ST6GALNAC3: variants seen among roughly 807,000 people sequenced by gnomAD.
The protein encoded by ST6GALNAC3 is alpha-N-acetylgalactosaminide alpha-2,6-sialyltransferase 3.
A neutral mutation model predicts 32.7 loss-of-function variants in ST6GALNAC3; 25 were observed. The ratio of observed to expected loss-of-function variants is 0.76; its 90% CI spans 0.56 to 1.07. The LOEUF (loss-of-function observed/expected upper bound fraction) is 1.07, where lower values mean the gene tolerates loss of function less well. ST6GALNAC3 is among the 50% of genes least tolerant of loss of function. The pLI is 0.00. For synonymous variants in ST6GALNAC3, 129 were observed against 133.1 expected, an observed-to-expected ratio of 0.97 and a Z score of 0.21; for missense variants, 355 against 382.4, an observed-to-expected ratio of 0.93 and a Z score of 0.60.
Position 76,403,563 on chromosome 1 carries a change from A to T in ST6GALNAC3, c.214-8445A>T, listed in dbSNP as rs942348536. Among the ~76,000 whole-genome samples, 11 of 152,132 alleles carry T rather than the reference A, an allele frequency of 7.2e-5. No homozygotes were observed. The East Asian group carries it at 1.9e-3, about 27-fold the overall frequency. ...TTAAACAAAATTATGTGCAGGTGCC[A>T]TCCTCAGAAATTGTCTGTCTTATTT... On this transcript the variant is annotated intron_variant, in intron 2 of 4. Coordinates refer to ENST00000328299, the MANE Select transcript of ST6GALNAC3 (RefSeq NM_152996.4).
intron 2 of ST6GALNAC3, among the ~76,000 whole-genome samples, chr1:76,323,906 C>T (rs1647018398): frequency 6.6e-6 from 1 of 151,994 alleles, no homozygotes; most frequent in African/African-American, 2.4e-5. Flanking sequence ...ATAGCCCAAG[C>T]TGGAGTGCAG....
rs1649388208 is a variant in ST6GALNAC3, at chr1:76,633,292, C to T, written c.*4486C>T. ...TTACTAAAGAGTCTATTCATGGAAT[C>T]CAAGGGCTCCAAATTGTGCTAATTC... On this transcript the variant is annotated 3_prime_UTR_variant, in exon 5 of 5. Transcript: ENST00000328299. 6.6e-6 allele frequency: 1 copy of T among 152,160 alleles called. No individual in the cohort carries two copies. Among genetic ancestry groups the T allele is most frequent in the African/African-American group, 2.4e-5 (1 of 41,434 alleles). 9.4% of individuals were successfully genotyped at this position (152,160 alleles called of 1,614,324 possible).
chr1:76,367,881 T>G (rs1438921618), intron 2 of ST6GALNAC3, among the ~76,000 whole-genome samples: 1 of 152,166 alleles, frequency 6.6e-6, no homozygotes, highest in Admixed American at 6.5e-5. Context: ...GAAGCACAAA[T>G]GTAAAAACAT....
intron 2 of ST6GALNAC3, among the ~76,000 whole-genome samples, chr1:76,322,689 A>G (rs1646990631): frequency 6.6e-6 from 1 of 152,250 alleles, no homozygotes; most frequent in African/African-American, 2.4e-5. Context: ...TAGCCATTAC[A>G]GAATATTTCA....
chr1:76,519,628 G>A (rs423480), intron 3 of ST6GALNAC3, among the ~76,000 whole-genome samples: 86,279 of 151,960 alleles, frequency 0.57, 24,996 homozygotes, highest in African/African-American at 0.68. Flanking sequence ...ATTAATCTTT[G>A]TGGATATGCA....
At chr1:76,312,630 A>T (rs377258649) in intron 1 of ST6GALNAC3, among the ~76,000 whole-genome samples, 8 of 152,190 alleles carry the variant, frequency 5.3e-5, no homozygotes, top group African/African-American at 1.9e-4. Context: ...TAGGCAAAGG[A>T]TATGAACAGA....
chr1:76,210,339 C>T (rs1428618106), intron 1 of ST6GALNAC3, among the ~76,000 whole-genome samples: 1 of 152,118 alleles, frequency 6.6e-6, no homozygotes, highest in South Asian at 2.1e-4. Flanking sequence ...CCATGTGAAC[C>T]ACAGTTACCC....
intron 1 of ST6GALNAC3, among the ~76,000 whole-genome samples, chr1:76,295,090 C>A (rs1382872025): frequency 3.0e-5 from 4 of 133,582 alleles, no homozygotes; most frequent in Non-Finnish European, 7.1e-5. Flanking sequence ...AACCAGTGGG[C>A]ATTTTTTTTT....
At chr1:76,216,828 A>G (rs1297777894) in intron 1 of ST6GALNAC3, among the ~76,000 whole-genome samples, 2 of 152,184 alleles carry the variant, frequency 1.3e-5, no homozygotes, top group Admixed American at 1.3e-4. Context: ...GATGTGTAAA[A>G]ATTAGTGCTT....
rs549713194 is a variant in ST6GALNAC3, at chr1:76,425,404, C to A, written c.623+12987C>A. ...CGCCCTCACCCGCGTACACTCACAC[C>A]AAGCTCTTTTTTTAAGGCAGAGCTT... On this transcript the variant is annotated intron_variant, in intron 3 of 4. Transcript: ENST00000328299. Among the ~76,000 whole-genome samples, 10 of 152,068 alleles carry A rather than the reference C, an allele frequency of 6.6e-5. No homozygotes were observed. In the South Asian group the frequency reaches 1.9e-3, roughly 28 times the overall value.
chr1:76,138,013 A>G (rs1650056962), intron 1 of ST6GALNAC3, among the ~76,000 whole-genome samples: 1 of 152,196 alleles, frequency 6.6e-6, no homozygotes, highest in African/African-American at 2.4e-5. Flanking sequence ...TTCGCTCTAT[A>G]TTCAGCCACA....
At chr1:76,527,102 A>C (rs1046639476) in intron 3 of ST6GALNAC3, among the ~76,000 whole-genome samples, 9 of 152,238 alleles carry the variant, frequency 5.9e-5, no homozygotes, top group African/African-American at 2.2e-4. Context: ...AGGGGAGATT[A>C]GCTTAGAAAT....
rs1160679430 is a variant in ST6GALNAC3, at chr1:76,313,864, T to C, written c.78T>C (p.Arg26=). 1 of 1,613,600 alleles carries C rather than the reference T, an allele frequency of 6.2e-7. No individual in the cohort carries two copies. Among genetic ancestry groups the C allele is most frequent in the Admixed American group, 1.7e-5 (1 of 59,932 alleles). ...CGTTCCTTTTCCTGCTGGTTGTGCG[T>C]CTTGTAAATGAAGTGAATTTCCCAT... ...IAAFLFLLVV[R]LVNEVNFPLL... is the part of the protein sequence containing the mutation. Residue 26 remains arginine, a synonymous_variant, in exon 2 of 5, where the codon CGT becomes CGC. Coordinates refer to ENST00000328299, the MANE Select transcript of ST6GALNAC3 (RefSeq NM_152996.4).
chr1:76,365,271 C>T (rs1392414143), intron 2 of ST6GALNAC3, among the ~76,000 whole-genome samples: 3 of 152,098 alleles, frequency 2.0e-5, no homozygotes, highest in Admixed American at 6.6e-5. Context: ...GGGAGCTAAA[C>T]AGTGGGTACC....
chr1:76,471,229 A>G (rs1044626422), intron 3 of ST6GALNAC3, among the ~76,000 whole-genome samples: 2 of 152,258 alleles, frequency 1.3e-5, no homozygotes, highest in Non-Finnish European at 1.5e-5. Flanking sequence ...ATCACTGACC[A>G]TCTGAATACC....
At chr1:76,522,801 G>A (rs760909223) in intron 3 of ST6GALNAC3, among the ~76,000 whole-genome samples, 6 of 152,198 alleles carry the variant, frequency 3.9e-5, no homozygotes, top group Non-Finnish European at 7.3e-5. Flanking sequence ...CACCTGGAAA[G>A]TCATGAACAG....
rs1557777792 is a variant in ST6GALNAC3, at chr1:76,313,810, G to A, written c.24G>A (p.Lys8=). 2 of 1,612,810 alleles carry A rather than the reference G, an allele frequency of 1.2e-6. No individual in the cohort carries two copies. Among genetic ancestry groups the A allele is most frequent in the Middle Eastern group, 1.6e-4 (1 of 6,064 alleles). Residue 8 remains lysine (K), a synonymous_variant, in exon 2 of 5, where the codon AAG becomes AAA. Coordinates refer to ENST00000328299, the MANE Select transcript of ST6GALNAC3 (RefSeq NM_152996.4). MACILKR[K]SVIAVSFIAA... is the part of the protein sequence containing the mutation. ...GTTTTTTTAATGTTTTGTAGAGAAA[G>A]TCTGTGATTGCTGTGAGCTTCATAG...
At chr1:76,398,275 T>A (rs574596173) in intron 2 of ST6GALNAC3, among the ~76,000 whole-genome samples, 3 of 152,296 alleles carry the variant, frequency 2.0e-5, no homozygotes, top group Admixed American at 2.0e-4. Flanking sequence ...GCATTGACAA[T>A]CTCCTAGAGA....
chr1:76,517,395 G>A (rs1319685695), intron 3 of ST6GALNAC3, among the ~76,000 whole-genome samples: 1 of 151,620 alleles, frequency 6.6e-6, no homozygotes, highest in Non-Finnish European at 1.5e-5. Context: ...TTGTCATATA[G>A]TCAAGCTGAT....
Sources: allele counts gnomAD v4.1 joint callset (sites outside exome capture counted in the v4.1 genomes callset), GRCh38; gene constraint gnomAD v4.1.1; transcripts MANE v1.5; gene names NCBI Gene and HGNC (gene_info 2026-07-23, HGNC 2026-07-21).